Variants in FOXP2 observed in about 807,000 individuals in gnomAD.
The protein encoded by FOXP2 is forkhead box protein P2.
In FOXP2, 12 loss-of-function variants were observed where a neutral mutation model predicts 115.8. The ratio of observed to expected loss-of-function variants is 0.10; its 90% confidence interval spans 0.07 to 0.17. The LOEUF (loss-of-function observed/expected upper bound fraction) is 0.17. FOXP2 is among the 10% of genes least tolerant of loss of function. FOXP2 has a pLI of 1.00. For synonymous variants in FOXP2, 328 were observed against 297.7 expected, an observed-to-expected ratio of 1.10 and a Z score of -1.05; for missense variants, 629 against 843.5, an observed-to-expected ratio of 0.75 and a Z score of 3.15.
chr7:114,185,330 G>C (rs750556747), intron 1 of FOXP2, among the ~76,000 whole-genome samples: 1 of 151,940 alleles, frequency 6.6e-6, no homozygotes, highest in Non-Finnish European at 1.5e-5. Flanking sequence ...ACCTGACTCT[G>C]GGCTTTATTC....
chr7:114,174,462 G>A (rs933804728), intron 1 of FOXP2, among the ~76,000 whole-genome samples: 4 of 151,914 alleles, frequency 2.6e-5, no homozygotes, highest in Admixed American at 2.6e-4. Flanking sequence ...CCTTAAAAGG[G>A]GATCTGATAG....
At chr7:114,677,469 G>T (rs1807840264) in intron 16 of FOXP2, among the ~76,000 whole-genome samples, 1 of 152,070 alleles carries the variant, frequency 6.6e-6, no homozygotes, top group African/African-American at 2.4e-5. Flanking sequence ...AAATAGGAAC[G>T]GTTTATAGAA....
rs1169479856 is a variant in FOXP2 at position 114,690,388 on chromosome 7, A to T, written c.*462A>T. 1 of 454,090 alleles carries T rather than the reference A, an allele frequency of 2.2e-6. No homozygotes were observed. Among genetic ancestry groups the T allele is most frequent in the Non-Finnish European group, 4.4e-6 (1 of 226,810 alleles). 28.1% of individuals were successfully genotyped at this position (454,090 alleles called of 1,614,324 possible). ...TAGAAACAATTGCTGGTCAAGTTCAACTTGTTGCTATTGTTTTTAATTTGC... is the reference window on the plus strand; with the variant it reads ...TAGAAACAATTGCTGGTCAAGTTCATCTTGTTGCTATTGTTTTTAATTTGC... On this transcript the variant is annotated 3_prime_UTR_variant, in exon 17 of 17. Coordinates refer to ENST00000350908, the MANE Select transcript of FOXP2 (RefSeq NM_014491.4).
intron 1 of FOXP2, among the ~76,000 whole-genome samples, chr7:114,172,842 A>G (rs1421469160): frequency 1.3e-5 from 2 of 152,154 alleles, no homozygotes; most frequent in African/African-American, 4.8e-5. Context: ...TTGATCTGTC[A>G]ACATTGAATA....
chr7:114,300,893 T>G (rs76823728), intron 2 of FOXP2, among the ~76,000 whole-genome samples: 265 of 152,170 alleles, frequency 1.7e-3, no homozygotes, highest in Non-Finnish European at 3.3e-3. Context: ...GAATTAATCC[T>G]AAGACAGAGC....
chr7:114,249,450 T>A (rs1383828341), intron 1 of FOXP2, among the ~76,000 whole-genome samples: 1 of 151,908 alleles, frequency 6.6e-6, no homozygotes, highest in Non-Finnish European at 1.5e-5. Flanking sequence ...CACTTGTAAG[T>A]GAGAACATGT....
At chr7:114,115,988 A>G (rs1185041737) in intron 1 of FOXP2, among the ~76,000 whole-genome samples, 5 of 152,144 alleles carry the variant, frequency 3.3e-5, no homozygotes, top group Admixed American at 2.0e-4. Flanking sequence ...CCCCTCTAGT[A>G]GCATGTTTCC....
intron 1 of FOXP2, among the ~76,000 whole-genome samples, chr7:114,269,427 T>C (rs1562846093): frequency 6.6e-6 from 1 of 152,118 alleles, no homozygotes; most frequent in African/African-American, 2.4e-5. Context: ...GAATTAAATC[T>C]TTTTTTGTTT....
chr7:114,374,659 T>C (rs1436723744), intron 2 of FOXP2, among the ~76,000 whole-genome samples: 2 of 152,240 alleles, frequency 1.3e-5, no homozygotes, highest in Non-Finnish European at 2.9e-5. Context: ...CTTTGACTTA[T>C]AATCATTTGT....
At chr7:114,655,074 T>A (rs1806500393) in intron 10 of FOXP2, among the ~76,000 whole-genome samples, 2 of 152,186 alleles carry the variant, frequency 1.3e-5, no homozygotes, top group African/African-American at 2.4e-5. Flanking sequence ...TGTATCTTTT[T>A]GAATCTGACA....
chr7:114,194,275 C>A (rs905754379), intron 1 of FOXP2, among the ~76,000 whole-genome samples: 1 of 151,966 alleles, frequency 6.6e-6, no homozygotes, highest in Non-Finnish European at 1.5e-5. Context: ...TTTCTTTTTA[C>A]TGGCTTCTTA....
chr7:114,371,166 G>T (rs1046806826), intron 2 of FOXP2, among the ~76,000 whole-genome samples: 1 of 151,918 alleles, frequency 6.6e-6, no homozygotes, highest in Non-Finnish European at 1.5e-5. Flanking sequence ...CTACAGCCTG[G>T]TCCTCCTGGG....
At chr7:114,494,880 T>C (rs1226370006) in intron 2 of FOXP2, among the ~76,000 whole-genome samples, 1 of 152,224 alleles carries the variant, frequency 6.6e-6, no homozygotes, top group Admixed American at 6.5e-5. Flanking sequence ...TTCTGCCATT[T>C]AACAAAGGCC....
intron 2 of FOXP2, among the ~76,000 whole-genome samples, chr7:114,360,503 C>T (rs1222877261): frequency 1.3e-5 from 2 of 152,114 alleles, no homozygotes; most frequent in Non-Finnish European, 2.9e-5. Context: ...TTTTGTGGAG[C>T]CTTGTTGATA....
At chr7:114,238,405 G>A (rs749023317) in intron 1 of FOXP2, among the ~76,000 whole-genome samples, 5 of 152,074 alleles carry the variant, frequency 3.3e-5, no homozygotes, top group Non-Finnish European at 7.4e-5. Flanking sequence ...CAGCTTGGTT[G>A]TATTAGAAGA....
At chr7:114,253,045 A>G (rs150805317) in intron 1 of FOXP2, among the ~76,000 whole-genome samples, 1,747 of 152,214 alleles carry the variant, frequency 0.011, 16 homozygotes, top group Non-Finnish European at 0.018. Context: ...TCATTTCGTT[A>G]TGTACCCAGT....
At chr7:114,597,144 G>A (rs1330911198) in intron 3 of FOXP2, among the ~76,000 whole-genome samples, 1 of 152,174 alleles carries the variant, frequency 6.6e-6, no homozygotes, top group African/African-American at 2.4e-5. Flanking sequence ...ATGACAATCT[G>A]TGTGCAACCT....
chr7:114,416,783 T>A (rs1793366391), intron 1 of FOXP2, among the ~76,000 whole-genome samples: 1 of 152,008 alleles, frequency 6.6e-6, no homozygotes, highest in African/African-American at 2.4e-5. Flanking sequence ...GTTTAATGAT[T>A]AGCCTGTTGG....
chr7:114,247,257 T>C (rs1795309160), intron 1 of FOXP2, among the ~76,000 whole-genome samples: 2 of 152,190 alleles, frequency 1.3e-5, no homozygotes, highest in Admixed American at 1.3e-4. Flanking sequence ...AATTTGCAAA[T>C]CTATAACCCA....
Sources: allele counts gnomAD v4.1 joint callset (sites outside exome capture counted in the v4.1 genomes callset), GRCh38; gene constraint gnomAD v4.1.1; transcripts MANE v1.5; gene names NCBI Gene and HGNC (gene_info 2026-07-23, HGNC 2026-07-21).